Variants in MYDGF observed in about 807,000 individuals in gnomAD.
MYDGF encodes myeloid-derived growth factor.
MYDGF carries 29 observed loss-of-function variants against 24.2 expected under a neutral mutation model. The ratio of observed to expected loss-of-function variants is 1.20; its 90% CI spans 0.89 to 1.63. MYDGF has a LOEUF of 1.63. MYDGF is among the 40% of genes most tolerant of loss of function. The probability of loss-of-function intolerance (pLI) is 0.00; values close to 1 mark genes in which losing one functional copy is unlikely to be tolerated. For synonymous variants in MYDGF, 105 were observed against 102.5 expected (o/e 1.02, Z -0.15); for missense variants, 245 against 234.8 (o/e 1.04, Z -0.29).
At chr19:4,664,489 C>CAAA (rs397958176) in intron 3 of MYDGF, among the ~76,000 whole-genome samples, 3 of 87,902 alleles carry the variant, frequency 3.4e-5, no homozygotes, top group Admixed American at 1.2e-4. Context: ...GACTCCATCT[C>CAAA]AAAAAAAAAA....
chr19:4,658,184 G>A (rs1297630027), intron 5 of MYDGF, 100 bp from the exon 6 acceptor site: 19 of 981,622 alleles, frequency 1.9e-5, no homozygotes, highest in South Asian at 7.6e-5. Context: ...AGCAGGCAAG[G>A]GGAGCAGTCT....
At chr19:4,658,283 G>A (rs757810244) in intron 5 of MYDGF, among the ~76,000 whole-genome samples, 199 bp from the exon 6 acceptor site, 87 of 152,174 alleles carry the variant, frequency 5.7e-4, no homozygotes, top group Non-Finnish European at 8.5e-4. Flanking sequence ...GGGTAAGGTC[G>A]GTGGGGCTAA....
chr19:4,667,030 G>C (rs956260299), intron 2 of MYDGF, among the ~76,000 whole-genome samples: 10 of 151,152 alleles, frequency 6.6e-5, no homozygotes, highest in Admixed American at 3.3e-4. Flanking sequence ...GCCAGAGGCT[G>C]TTCTCAGCTC....
At chr19:4,664,560 C>T (rs2088505770) in intron 3 of MYDGF, among the ~76,000 whole-genome samples, 1 of 152,104 alleles carries the variant, frequency 6.6e-6, no homozygotes. Flanking sequence ...GAGGGTGGAG[C>T]CCCTTGGGGC....
intron 5 of MYDGF, among the ~76,000 whole-genome samples, chr19:4,659,234 C>T (rs2088449874): frequency 6.6e-6 from 1 of 151,886 alleles, no homozygotes; most frequent in African/African-American, 2.4e-5. Flanking sequence ...CACCACCATG[C>T]CCGGCTAATT....
At chr19:4,664,770 T>A in intron 3 of MYDGF, 106 bp downstream of exon 3, 1 of 1,283,880 alleles carries the variant, frequency 7.8e-7, no homozygotes. Flanking sequence ...TGGTCTGTCT[T>A]CCCCTCCAGG....
intron 3 of MYDGF, among the ~76,000 whole-genome samples, chr19:4,662,032 G>A (rs1172222847): frequency 6.6e-6 from 1 of 152,178 alleles, no homozygotes; most frequent in African/African-American, 2.4e-5. Context: ...TCTCTGGGCT[G>A]ATGGGGCCTA....
chr19:4,662,634 C>T (rs980684578), intron 3 of MYDGF, among the ~76,000 whole-genome samples: 4 of 152,010 alleles, frequency 2.6e-5, no homozygotes, highest in Non-Finnish European at 4.4e-5. Flanking sequence ...CATGTGTGTT[C>T]GGGCAGGTGG....
At chr19:4,659,054 C>T (rs1365853445) in intron 5 of MYDGF, among the ~76,000 whole-genome samples, 1 of 151,516 alleles carries the variant, frequency 6.6e-6, no homozygotes, top group East Asian at 1.9e-4. Context: ...GCTGGGATTA[C>T]AGGTGTGAGC....
rs73535685 is a variant in MYDGF, at chr19:4,657,852, C to T, written c.*153G>A. 514 of 656,572 alleles carry T rather than the reference C, an allele frequency of 7.8e-4. 1 individual carries two copies. In the African/African-American group the frequency reaches 8.6e-3, roughly 11 times the overall value. 40.7% of individuals were successfully genotyped at this position (656,572 alleles called of 1,614,324 possible). ...TTCTCTGCCCCAGGGCTTCAGCCAC[C>T]CTGCAAGCCCCTCCGGACAAGGCAA... is the stretch of plus-strand genomic sequence containing the variant. On this transcript the variant is annotated 3_prime_UTR_variant, in exon 6 of 6. Transcript: ENST00000262947.
rs1022933303 is a variant in MYDGF at position 4,658,631 on chromosome 19, T to C, written c.443-547A>G. ...CTCCGATTCCTCTTTCTGCTTAGCATTGGCGCCATGCAGCTGAATGTGGCT... is the reference window on the plus strand; with the variant it reads ...CTCCGATTCCTCTTTCTGCTTAGCACTGGCGCCATGCAGCTGAATGTGGCT... On this transcript the variant is annotated intron_variant, in intron 5 of 5. Coordinates refer to ENST00000262947, the MANE Select transcript of MYDGF (RefSeq NM_019107.4). 3.3e-5 allele frequency among the ~76,000 whole-genome samples: 5 copies of C among 152,134 alleles called. 1 individual carries two copies. The highest frequency in any genetic ancestry group is 4.1e-4 in the South Asian group (2 of 4,828).
intron 1 of MYDGF, 33 bp from the exon 2 acceptor site, chr19:4,668,678 G>A (rs757243884): frequency 1.9e-6 from 3 of 1,589,822 alleles, no homozygotes; most frequent in East Asian, 2.2e-5. Context: ...AGGTTTGGTA[G>A]AAGGAAATTT....
At position 4,670,160 on chromosome 19, in the gene MYDGF, C is replaced by A. The variant is rs745851558; in HGVS notation, c.174+1G>T. On this transcript the variant is annotated splice_donor_variant, in intron 1 of 5. Transcript: ENST00000262947. LOFTEE classifies it high-confidence loss of function. ...ATATCCGGGACGGCGGTGGCACGTA[C>A]CCCCGGGCCCACGTTATGGGAGAAG... is the stretch of plus-strand genomic sequence containing the variant. The A allele has an allele frequency of 3.5e-5, 54 of 1,530,412 alleles. No homozygotes were observed. In the South Asian group the frequency reaches 5.2e-4, roughly 15 times the overall value. The allele number at this position is 1,530,412 out of a possible 1,614,324, so 94.8% of individuals were successfully genotyped here. A position where few individuals can be genotyped will look rare whatever the true frequency, so the allele number is the denominator to read the frequency against.
chr19:4,660,835 T>G, intron 3 of MYDGF, 85 bp from the exon 4 acceptor site: 6 of 1,184,698 alleles, frequency 5.1e-6, no homozygotes, highest in South Asian at 2.7e-5. Context: ...CGCCAGGGAC[T>G]CGGGCTGGGG....
intron 3 of MYDGF, 148 bp downstream of exon 3, chr19:4,664,727 AC>A (rs2145187146): frequency 5.1e-6 from 4 of 778,212 alleles, no homozygotes; most frequent in East Asian, 5.9e-5. Flanking sequence ...CGACCCTGCC[AC>A]CCCCCACCTG....
chr19:4,668,654 T>C lies in MYDGF; in HGVS notation c.175-9A>G. ...ATACACGTATATTTGTCCTAGAGAA[T>C]GGAAGGAAAAAAAAGGTTTGGTAGA... On this transcript the variant is annotated splice_polypyrimidine_tract_variant and intron_variant, in intron 1 of 5. Transcript: ENST00000262947. 6.2e-7 allele frequency: 1 copy of C among 1,610,494 alleles called. No individual in the cohort carries two copies. The highest frequency in any genetic ancestry group is 8.5e-7 in the Non-Finnish European group (1 of 1,178,048).
At chr19:4,666,300 G>C (rs1395904453) in intron 2 of MYDGF, among the ~76,000 whole-genome samples, 1 of 149,800 alleles carries the variant, frequency 6.7e-6, no homozygotes, top group Non-Finnish European at 1.5e-5. Context: ...TTTTGAGATG[G>C]AGTCTCGCTC....
At position 4,657,772 on chromosome 19, in the gene MYDGF, G is replaced by T. The variant is rs529961558; in HGVS notation, c.*233C>A. The T allele has an allele frequency of 4.8e-6, 2 of 412,858 alleles. No individual in the cohort carries two copies. Among genetic ancestry groups the T allele is most frequent in the East Asian group, 7.5e-5 (2 of 26,780 alleles). 25.6% of individuals were successfully genotyped at this position (412,858 alleles called of 1,614,324 possible). The stretch of plus-strand genomic sequence containing the variant: ...GCGATCCTGAGTCCAGAAGAGCTCA[G>T]CAGGAAGTGGGAACTGAGAAGCTGT... On this transcript the variant is annotated 3_prime_UTR_variant, in exon 6 of 6. Transcript: ENST00000262947.
intron 3 of MYDGF, among the ~76,000 whole-genome samples, chr19:4,663,934 C>G (rs1043833810): frequency 6.6e-6 from 1 of 151,200 alleles, no homozygotes; most frequent in Non-Finnish European, 1.5e-5. Flanking sequence ...CTCCTTCAGC[C>G]GGGGGGATCT....
Sources: allele counts gnomAD v4.1 joint callset (sites outside exome capture counted in the v4.1 genomes callset), GRCh38; gene constraint gnomAD v4.1.1; transcripts MANE v1.5; gene names NCBI Gene and HGNC (gene_info 2026-07-23, HGNC 2026-07-21).